Variants in FOCAD observed in about 807,000 individuals in gnomAD.
The protein encoded by FOCAD is focadhesin, also known as KIAA1797.
FOCAD carries 198 observed loss-of-function variants against 225.6 expected under a neutral mutation model. The ratio of observed to expected loss-of-function variants is 0.88; its 90% confidence interval spans 0.78 to 0.99. FOCAD has a LOEUF of 0.99. Ranked by LOEUF, FOCAD falls within the 50% of genes least tolerant of loss-of-function variation. The probability of loss-of-function intolerance (pLI) is 0.00; values close to 1 mark genes in which losing one functional copy is unlikely to be tolerated. For synonymous variants in FOCAD, 897 were observed against 755.0 expected (o/e 1.19, Z -3.08); for missense variants, 2,713 against 2,123.6 (o/e 1.28, Z -5.46).
At chr9:20,769,733 T>A (rs1311389227) in intron 7 of FOCAD, among the ~76,000 whole-genome samples, 6 of 152,220 alleles carry the variant, frequency 3.9e-5, no homozygotes, top group Non-Finnish European at 8.8e-5. Flanking sequence ...CATGTTGTCA[T>A]TGTCATGTAA....
intron 37 of FOCAD, among the ~76,000 whole-genome samples, chr9:20,979,815 C>T (rs1422778637): frequency 1.3e-5 from 2 of 152,312 alleles, no homozygotes; most frequent in South Asian, 4.1e-4. Flanking sequence ...TACCTGCAAG[C>T]ACTCAGTGAG....
chr9:20,704,654 T>TA (rs1482208175), intron 1 of FOCAD, among the ~76,000 whole-genome samples: 2 of 152,248 alleles, frequency 1.3e-5, no homozygotes, highest in African/African-American at 4.8e-5. Flanking sequence ...TTTTCAATAT[T>TA]ACTCTTTTCA....
chr9:20,874,150 C>CT (rs1830029492), intron 18 of FOCAD: 2 of 152,120 alleles, frequency 1.3e-5, no homozygotes, highest in Non-Finnish European at 1.5e-5. Context: ...TTGTATTCCA[C>CT]AGCAACAAAC....
chr9:20,780,668 T>G (rs765192979), intron 9 of FOCAD, among the ~76,000 whole-genome samples: 3 of 151,970 alleles, frequency 2.0e-5, no homozygotes, highest in Non-Finnish European at 2.9e-5. Flanking sequence ...CACTATGTAG[T>G]TGTTAACTGT....
intron 21 of FOCAD, among the ~76,000 whole-genome samples, chr9:20,895,684 G>A (rs1329613535): frequency 6.6e-6 from 1 of 151,538 alleles, no homozygotes; most frequent in Non-Finnish European, 1.5e-5. Context: ...TTTCATTGCT[G>A]TCATATAGGA....
chr9:20,771,655 T>C (rs960109740), intron 8 of FOCAD, among the ~76,000 whole-genome samples: 3 of 152,162 alleles, frequency 2.0e-5, no homozygotes, highest in African/African-American at 7.2e-5. Context: ...CTCATGATGC[T>C]GAGGCAGGAG....
intron 6 of FOCAD, among the ~76,000 whole-genome samples, chr9:20,759,948 T>C (rs1229327385): frequency 6.6e-6 from 1 of 152,218 alleles, no homozygotes; most frequent in African/African-American, 2.4e-5. Flanking sequence ...AGCCACCATA[T>C]GTGCAGTTAG....
rs368629147 is a variant in FOCAD, at chr9:20,927,902, A to T, written c.3079-1456A>T. 206 of 151,958 alleles carry T rather than the reference A, an allele frequency of 1.4e-3. 1 individual carries two copies. Among genetic ancestry groups the T allele is most frequent in the African/African-American group, 4.6e-3 (192 of 41,448 alleles). 9.4% of individuals were successfully genotyped at this position (151,958 alleles called of 1,614,324 possible). ...CCTTGGGAAGATCTGGTATGTATTCATCAGGGGCTTTGGGTTTAGAGCTAG... is the reference window on the plus strand; with the variant it reads ...CCTTGGGAAGATCTGGTATGTATTCTTCAGGGGCTTTGGGTTTAGAGCTAG... On this transcript the variant is annotated intron_variant, in intron 26 of 43. Transcript: ENST00000338382.
chr9:20,737,906 G>C (rs1168380873), intron 4 of FOCAD, among the ~76,000 whole-genome samples: 1 of 152,120 alleles, frequency 6.6e-6, no homozygotes, highest in Non-Finnish European at 1.5e-5. Context: ...TTTATACCTA[G>C]GTATAGGTTC....
At chr9:20,924,164 T>C (rs1158675052) in intron 25 of FOCAD, among the ~76,000 whole-genome samples, 2 of 151,052 alleles carry the variant, frequency 1.3e-5, no homozygotes, top group Non-Finnish European at 3.0e-5. Context: ...AATGACAAAG[T>C]GCCTATTCAT....
At chr9:20,932,472 T>G (rs1835574113) in intron 27 of FOCAD, among the ~76,000 whole-genome samples, 3 of 152,164 alleles carry the variant, frequency 2.0e-5, no homozygotes, top group Non-Finnish European at 4.4e-5. Flanking sequence ...CAGGCATTTA[T>G]AAAATCATCA....
Position 20,916,947 on chromosome 9 carries a change from A to G in FOCAD, c.2852+10A>G. 1 of 1,595,946 alleles carries G rather than the reference A, an allele frequency of 6.3e-7. No homozygotes were observed. ...CCAAGGCAGCTGCAAAGTAAGATCC[A>G]TTTAGTCTTTTATCAAACATTTTTT... is the stretch of plus-strand genomic sequence containing the variant. On this transcript the variant is annotated intron_variant, in intron 24 of 43. Transcript: ENST00000338382.
In FOCAD at chr9:20,765,026, G is replaced by T. The variant is rs747448535; in HGVS notation, c.652G>T (p.Glu218Ter). ...LCDKDQPSIL[E>*]QQILQLCCDI... Reference sequence around the variant, plus strand: ...TGACAAAGATCAACCATCAATACTGGAACAGCAGATACTTCAACTGTGTTG... The same window carrying T: ...TGACAAAGATCAACCATCAATACTGTAACAGCAGATACTTCAACTGTGTTG... Residue 218 changes from glutamate (E) to a stop codon, truncating the protein, a stop_gained, in exon 7 of 44, where the codon GAA (glutamate) becomes TAA (stop). Coordinates refer to ENST00000338382, the MANE Select transcript of FOCAD (RefSeq NM_001375567.1). LOFTEE classifies it high-confidence loss of function. The T allele has an allele frequency of 6.2e-7, 1 of 1,613,944 alleles. No individual in the cohort carries two copies. Among genetic ancestry groups the T allele is most frequent in the Non-Finnish European group, 8.5e-7 (1 of 1,180,004 alleles).
intron 7 of FOCAD, among the ~76,000 whole-genome samples, chr9:20,769,760 T>G (rs1817999950): frequency 6.6e-6 from 1 of 152,228 alleles, no homozygotes; most frequent in Admixed American, 6.5e-5. Flanking sequence ...TTAAGACATC[T>G]GCACTCAGAC....
At chr9:20,769,334 T>G (rs1446580333) in intron 7 of FOCAD, among the ~76,000 whole-genome samples, 1 of 152,222 alleles carries the variant, frequency 6.6e-6, no homozygotes. Context: ...AGGCTCCTGA[T>G]TGAAGCAGAT....
chr9:20,908,834 C>T (rs563310286), intron 22 of FOCAD, among the ~76,000 whole-genome samples: 112 of 152,104 alleles, frequency 7.4e-4, no homozygotes, highest in African/African-American at 2.7e-3. Context: ...TTTTCTTCAC[C>T]AAACATTTAT....
At chr9:20,686,940 C>G (rs1822704394) in intron 1 of FOCAD, among the ~76,000 whole-genome samples, 1 of 150,740 alleles carries the variant, frequency 6.6e-6, no homozygotes, top group South Asian at 2.1e-4. Context: ...CATCTATTTT[C>G]AAACAATGGA....
At chr9:20,700,395 GA>G (rs146944785) in intron 1 of FOCAD, among the ~76,000 whole-genome samples, 7,118 of 151,430 alleles carry the variant, frequency 0.047, 269 homozygotes, top group East Asian at 0.21. Flanking sequence ...TGTGTTCTTT[GA>G]TTTTTTTTTT....
chr9:20,907,273 G>A lies in FOCAD; in HGVS notation c.2718+31G>A, dbSNP rs192341716. Reference sequence around the variant, plus strand: ...GAAACCACAGGATAGGTTTGCTTTGGCGAAATGTCTCCTTATCTCATGTTT... The same window carrying A: ...GAAACCACAGGATAGGTTTGCTTTGACGAAATGTCTCCTTATCTCATGTTT... On this transcript the variant is annotated intron_variant, in intron 22 of 43. Transcript: ENST00000338382. The A allele has an allele frequency of 4.8e-5, 75 of 1,554,984 alleles. No homozygotes were observed. The African/African-American group carries it at 9.2e-4, about 19-fold the overall frequency.
Sources: allele counts gnomAD v4.1 joint callset (sites outside exome capture counted in the v4.1 genomes callset), GRCh38; gene constraint gnomAD v4.1.1; transcripts MANE v1.5; gene names NCBI Gene and HGNC (gene_info 2026-07-23, HGNC 2026-07-21).